Variants in RIPOR1 observed in about 807,000 individuals in gnomAD.
RIPOR1 encodes RHO family interacting cell polarization regulator 1, also known as rho family-interacting cell polarization regulator 1.
RIPOR1 carries 58 observed loss-of-function variants against 116.5 expected under a neutral mutation model. The ratio of observed to expected loss-of-function variants is 0.50; its 90% confidence interval spans 0.40 to 0.62. RIPOR1 has a LOEUF of 0.62. RIPOR1 is among the 20% of genes least tolerant of loss of function. RIPOR1 has a pLI of 0.00. For synonymous variants in RIPOR1, 605 were observed against 650.0 expected (o/e 0.93, Z 1.05); for missense variants, 1,372 against 1,586.2 (o/e 0.86, Z 2.29).
At position 67,544,122 on chromosome 16, in the gene RIPOR1, A is replaced by C. The variant is rs1360476672; in HGVS notation, c.2601-177A>C. Among the ~76,000 whole-genome samples, 1 of 151,472 alleles carries C rather than the reference A, an allele frequency of 6.6e-6. No individual in the cohort carries two copies. Among genetic ancestry groups the C allele is most frequent in the Non-Finnish European group, 1.5e-5 (1 of 67,870 alleles). On this transcript the variant is annotated intron_variant, in intron 14 of 21. Coordinates refer to ENST00000042381, the MANE Select transcript of RIPOR1 (RefSeq NM_024519.4). The surrounding 1 kb of genome is among the most constrained non-coding windows in gnomAD (Gnocchi z 5.1). ...ACTGACTCCAGAGATCCCTACTACC[A>C]CCTGCTGGTCCCAGCCCCTTCCTCC... is the stretch of plus-strand genomic sequence containing the variant.
chr16:67,534,931 G>A (rs1476863441), intron 1 of RIPOR1, among the ~76,000 whole-genome samples: 2 of 143,366 alleles, frequency 1.4e-5, no homozygotes, highest in East Asian at 2.0e-4. Flanking sequence ...CAGCCTCTGC[G>A]TCCCAGGTTC....
intron 1 of RIPOR1, among the ~76,000 whole-genome samples, chr16:67,535,738 G>A (rs2050777124): frequency 6.6e-6 from 1 of 152,160 alleles, no homozygotes; most frequent in Admixed American, 6.5e-5. Context: ...GGTTGCATCA[G>A]TGTGGTTGTG....
rs967583397 is a variant in RIPOR1 at position 67,529,640 on chromosome 16, G to A, written c.-24+726G>A. ...CACCCTTTGTCCTCCTCTCCAGGGT[G>A]AGCCCTGAGTCCGGCCTCCCCTACA... On this transcript the variant is annotated intron_variant, in intron 1 of 21. Coordinates refer to ENST00000042381, the MANE Select transcript of RIPOR1 (RefSeq NM_024519.4). The surrounding 1 kb of genome is among the most constrained non-coding windows in gnomAD (Gnocchi z 4.1). 6.9e-5 allele frequency: 60 copies of A among 866,286 alleles called. No homozygotes were observed. Among genetic ancestry groups the A allele is most frequent in the Non-Finnish European group, 1.0e-4 (58 of 569,272 alleles). 53.7% of individuals were successfully genotyped at this position (866,286 alleles called of 1,614,324 possible).
At chr16:67,526,363 G>T (rs1316777124), upstream of RIPOR1, among the ~76,000 whole-genome samples, 1 of 152,226 alleles carries the variant, frequency 6.6e-6, no homozygotes, top group Non-Finnish European at 1.5e-5. Flanking sequence ...TGCAAGATAA[G>T]GAGGTGAGGT....
chr16:67,523,142 A>C (rs1413458293), intron 1 of RIPOR1, among the ~76,000 whole-genome samples: 1 of 152,204 alleles, frequency 6.6e-6, no homozygotes. Context: ...TGCCAGGCGC[A>C]TAGCACATGC....
At chr16:67,538,385 G>T in intron 1 of RIPOR1, 39 bp from the exon 2 acceptor site, 2 of 1,527,644 alleles carry the variant, frequency 1.3e-6, no homozygotes, top group Non-Finnish European at 1.8e-6. Flanking sequence ...GGGCTTCGGG[G>T]ATCCGACTGG....
Position 67,538,985 on chromosome 16 carries a change from C to T in RIPOR1, c.258-5C>T, listed in dbSNP as rs1340012098. The T allele has an allele frequency of 1.2e-6, 2 of 1,613,862 alleles. No homozygotes were observed. Among genetic ancestry groups the T allele is most frequent in the East Asian group, 2.2e-5 (1 of 44,876 alleles). On this transcript the variant is annotated splice_region_variant and splice_polypyrimidine_tract_variant and intron_variant, in intron 3 of 21. Coordinates refer to ENST00000042381, the MANE Select transcript of RIPOR1 (RefSeq NM_024519.4). ...GTTCATTCTTGTGGTCGCCCCTTTC[C>T]TCAGGGCCTACTTGGAAGTGCACCA...
Position 67,541,285 on chromosome 16 carries a change from G to A in RIPOR1, c.802-145G>A, listed in dbSNP as rs1227410610. 1 of 792,492 alleles carries A rather than the reference G, an allele frequency of 1.3e-6. No homozygotes were observed. The highest frequency in any genetic ancestry group is 2.0e-6 in the Non-Finnish European group (1 of 506,714). 49.1% of individuals were successfully genotyped at this position (792,492 alleles called of 1,614,324 possible). A position where few individuals can be genotyped will look rare whatever the true frequency, so the allele number is the denominator to read the frequency against. Reference sequence around the variant, plus strand: ...GAGTCTTGCCATGTTGCCCAAGCTGGTCTTGAACTCCTGGCCTTAAGTGAT... The same window carrying A: ...GAGTCTTGCCATGTTGCCCAAGCTGATCTTGAACTCCTGGCCTTAAGTGAT... On this transcript the variant is annotated intron_variant, in intron 10 of 21. Coordinates refer to ENST00000042381, the MANE Select transcript of RIPOR1 (RefSeq NM_024519.4). This position sits in a 1 kb window ranked among gnomAD's most constrained non-coding sequence, Gnocchi z 4.6.
At position 67,545,168 on chromosome 16, in the gene RIPOR1, G is replaced by T; in HGVS notation, c.3031+51G>T. The T allele has an allele frequency of 6.3e-7, 1 of 1,595,320 alleles. No homozygotes were observed. On this transcript the variant is annotated intron_variant, in intron 17 of 21. Transcript: ENST00000042381. The surrounding 1 kb of genome is among the most constrained non-coding windows in gnomAD (Gnocchi z 4.8). The stretch of plus-strand genomic sequence containing the variant: ...CCCTTGCTCAGATTCCCAGTGACAG[G>T]AAGCTCGGGGAAGCCAGGTCAGCCC...
In RIPOR1 at chr16:67,544,694, G is replaced by A; in HGVS notation, c.2734-1G>A. The stretch of plus-strand genomic sequence containing the variant: ...GCTACTTGGCCACCCATGTTCTCCA[G>A]AAACTGGGCACATTTGGGCCCCTGC... On this transcript the variant is annotated splice_acceptor_variant, in intron 15 of 21. Transcript: ENST00000042381. LOFTEE classifies it high-confidence loss of function. The surrounding 1 kb of genome is among the most constrained non-coding windows in gnomAD (Gnocchi z 5.1). 6.2e-7 allele frequency: 1 copy of A among 1,612,894 alleles called. No individual in the cohort carries two copies. Among genetic ancestry groups the A allele is most frequent in the East Asian group, 2.2e-5 (1 of 44,886 alleles).
chr16:67,522,264 G>A (rs1406650101), intron 1 of RIPOR1, among the ~76,000 whole-genome samples: 1 of 145,472 alleles, frequency 6.9e-6, no homozygotes, highest in African/African-American at 2.6e-5. Flanking sequence ...GTGCAGTGGC[G>A]CGATCTCGGC....
rs1385001021 is a variant in RIPOR1 at position 67,538,747 on chromosome 16, C to T, written c.180C>T (p.Ser60=). The T allele has an allele frequency of 6.2e-7, 1 of 1,613,354 alleles. No homozygotes were observed. Among genetic ancestry groups the T allele is most frequent in the Non-Finnish European group, 8.5e-7 (1 of 1,179,970 alleles). Residue 60 remains serine (S), a synonymous_variant, in exon 3 of 22, where the codon TCC becomes TCT. Coordinates refer to ENST00000042381, the MANE Select transcript of RIPOR1 (RefSeq NM_024519.4). ...PALSRVSRMF[S]VAHPAAKVPQ... ...TCTCCCGAGTGTCCAGGATGTTTTC[C>T]GTGGCTCACCCAGCCGCCAAGGTGC...
chr16:67,545,696 C>G lies in RIPOR1; in HGVS notation c.3223C>G (p.Gln1075Glu). ...GGTGCGGAATCTGAACTCGGATGAT[C>G]AGGCTGTTGTGCTGAAGGCCCTGAG... ...LLVRNLNSDD[Q>E]AVVLKALRLA... is the part of the protein sequence containing the mutation. Residue 1075 changes from glutamine to glutamate, a missense_variant, in exon 19 of 22, where the codon CAG (glutamine) becomes GAG (glutamate). Around this residue, in one of 3 missense-constraint regions of RIPOR1, gnomAD observed 1,005 missense variants for 1,144.7 expected, o/e 0.88. Coordinates refer to ENST00000042381, the MANE Select transcript of RIPOR1 (RefSeq NM_024519.4). This position sits in a 1 kb window ranked among gnomAD's most constrained non-coding sequence, Gnocchi z 4.8. 1.9e-6 allele frequency: 3 copies of G among 1,576,970 alleles called. No individual in the cohort carries two copies. Among genetic ancestry groups the G allele is most frequent in the Non-Finnish European group, 2.6e-6 (3 of 1,161,228 alleles).
In RIPOR1 at chr16:67,539,806, C is replaced by T. The variant is rs369358400; in HGVS notation, c.361-40C>T. On this transcript the variant is annotated intron_variant, in intron 5 of 21. Transcript: ENST00000042381. The stretch of plus-strand genomic sequence containing the variant: ...GGTTGGCTCACAGGGAGGGTAAGGA[C>T]CCTGGGCCTCAGGCCCCTCCTGACC... 2.0e-5 allele frequency: 32 copies of T among 1,614,062 alleles called. No homozygotes were observed. In the African/African-American group the frequency reaches 3.9e-4, roughly 20 times the overall value.
chr16:67,524,093 T>G (rs1450107820), upstream of RIPOR1, among the ~76,000 whole-genome samples: 1 of 152,200 alleles, frequency 6.6e-6, no homozygotes, highest in Non-Finnish European at 1.5e-5. Context: ...CTGTTGTTTG[T>G]GTTTGCATTG....
At chr16:67,523,538 A>AC (rs1336457662) in intron 1 of RIPOR1, among the ~76,000 whole-genome samples, 2 of 151,040 alleles carry the variant, frequency 1.3e-5, no homozygotes, top group Non-Finnish European at 3.0e-5. Flanking sequence ...AAAAAAAAAA[A>AC]AAAAAAAAAA....
chr16:67,541,850 C>T lies in RIPOR1; in HGVS notation c.1081-17C>T, dbSNP rs1197069138. On this transcript the variant is annotated splice_polypyrimidine_tract_variant and intron_variant, in intron 12 of 21. Coordinates refer to ENST00000042381, the MANE Select transcript of RIPOR1 (RefSeq NM_024519.4). The surrounding 1 kb of genome is among the most constrained non-coding windows in gnomAD (Gnocchi z 4.6). ...CTCCCTGGGGGTGGTTCTGAAATGC[C>T]CTCTCCTCTTTCTCAGAACATGCTG... 2 of 1,611,618 alleles carry T rather than the reference C, an allele frequency of 1.2e-6. No individual in the cohort carries two copies. Among genetic ancestry groups the T allele is most frequent in the Non-Finnish European group, 8.5e-7 (1 of 1,178,128 alleles).
rs1211285274 is a variant in RIPOR1, at chr16:67,539,849, G to C, written c.364G>C (p.Val122Leu). 1.5e-5 allele frequency: 24 copies of C among 1,614,076 alleles called. No homozygotes were observed. The highest frequency in any genetic ancestry group is 1.9e-5 in the Non-Finnish European group (23 of 1,180,038). ...TCCTGACCCACCTCTCCCCCAGCAA[G>C]TCAAGTCCATTGAACGCTTCCTGCG... is the stretch of plus-strand genomic sequence containing the variant. Reference protein sequence around the residue: ...LGFLYDLDKQVKSIERFLRRL... With the variant: ...LGFLYDLDKQLKSIERFLRRL... The change falls in exon 6 of 22, where the codon GTC (valine) becomes CTC (leucine). Residue 122 changes from valine to leucine, a missense_variant. Coordinates refer to ENST00000042381, the MANE Select transcript of RIPOR1 (RefSeq NM_024519.4).
chr16:67,530,015 G>C lies in RIPOR1; in HGVS notation c.-24+1101G>C. ...CAAAATACTCCAGCGGGACAAGGAG[G>C]ACTGGCATAGCTCCTTCTTCCACCG... is the stretch of plus-strand genomic sequence containing the variant. On this transcript the variant is annotated intron_variant, in intron 1 of 21. Coordinates refer to ENST00000042381, the MANE Select transcript of RIPOR1 (RefSeq NM_024519.4). The surrounding 1 kb of genome is among the most constrained non-coding windows in gnomAD (Gnocchi z 4.5). 1.5e-6 allele frequency: 1 copy of C among 662,008 alleles called. No individual in the cohort carries two copies. The highest frequency in any genetic ancestry group is 2.7e-6 in the Non-Finnish European group (1 of 366,144). 41.0% of individuals were successfully genotyped at this position (662,008 alleles called of 1,614,324 possible).
Sources: gnomAD v4.1 joint callset for allele counts (sites outside exome capture counted in the v4.1 genomes callset) on GRCh38, gnomAD v4.1.1 for gene constraint, gnomAD v4.1.1 regional missense constraint, Gnocchi (gnomAD v3.1) non-coding constraint, MANE v1.5 for transcripts, NCBI Gene and HGNC (gene_info 2026-07-23, HGNC 2026-07-21) for gene names.